The following MAPK8IP3 variants were observed in gnomAD, a reference collection of about 807,000 sequenced individuals.
MAPK8IP3 encodes C-Jun-amino-terminal kinase-interacting protein 3.
Under a neutral mutation model 157.8 loss-of-function variants are expected in MAPK8IP3, and 49 were observed. That is an observed-to-expected ratio of 0.31 (90% CI 0.25 to 0.39). The LOEUF is 0.39. Ranked by LOEUF, MAPK8IP3 falls within the 10% of genes least tolerant of loss-of-function variation. The probability of loss-of-function intolerance (pLI) is 1.00; values close to 1 mark genes in which losing one functional copy is unlikely to be tolerated. For synonymous variants in MAPK8IP3, 897 were observed against 777.7 expected (o/e 1.15, Z -2.55); for missense variants, 1,478 against 1,889.4 (o/e 0.78, Z 4.04).
intron 5 of MAPK8IP3, chr16:1,746,167 G>A (rs973666642): frequency 1.3e-5 from 2 of 152,276 alleles, no homozygotes; most frequent in African/African-American, 4.8e-5. Context: ...GGAGGGCCGG[G>A]GGCCACGGGC....
chr16:1,758,144 C>T lies in MAPK8IP3; in HGVS notation c.1217-4C>T. The stretch of plus-strand genomic sequence containing the variant: ...GCCTCTCTGTGCGTCGCTGGACTCG[C>T]CAGGGGAGTTCTCAGGTGAGTATCT... On this transcript the variant is annotated splice_polypyrimidine_tract_variant and splice_region_variant and intron_variant, in intron 8 of 31. Coordinates refer to ENST00000610761, the MANE Select transcript of MAPK8IP3 (RefSeq NM_001318852.2). 6.2e-7 allele frequency: 1 copy of T among 1,613,834 alleles called. No homozygotes were observed. Among genetic ancestry groups the T allele is most frequent in the Non-Finnish European group, 8.5e-7 (1 of 1,179,858 alleles).
rs1045626409 is a variant in MAPK8IP3, at chr16:1,741,602, C to G, written c.603-1730C>G. Among the ~76,000 whole-genome samples the G allele has an allele frequency of 1.3e-5, 2 of 152,230 alleles. No homozygotes were observed. The highest frequency in any genetic ancestry group is 1.3e-4 in the Admixed American group (2 of 15,306). On this transcript the variant is annotated intron_variant, in intron 4 of 31. Coordinates refer to ENST00000610761, the MANE Select transcript of MAPK8IP3 (RefSeq NM_001318852.2). This position sits in a 1 kb window ranked among gnomAD's most constrained non-coding sequence, Gnocchi z 6.9. ...GGCCTCAGCAGAGGCGCTCCCCGCA[C>G]CAGCGTTGGGAGCGCAGTGGAAGTG...
At chr16:1,754,261 T>C (rs2041467051) in intron 8 of MAPK8IP3, among the ~76,000 whole-genome samples, 1 of 152,342 alleles carries the variant, frequency 6.6e-6, no homozygotes, top group South Asian at 2.1e-4. Flanking sequence ...TACCAGCTAT[T>C]ACCGCACTAC....
chr16:1,730,007 G>A (rs1304827664), intron 4 of MAPK8IP3, among the ~76,000 whole-genome samples: 6 of 129,332 alleles, frequency 4.6e-5, no homozygotes, highest in Admixed American at 9.6e-5. Context: ...CCAGGAGTTC[G>A]AGCTCAGCTT....
chr16:1,763,560 C>G (rs889443615), intron 16 of MAPK8IP3, 97 bp from the exon 17 acceptor site: 3 of 1,362,370 alleles, frequency 2.2e-6, no homozygotes, highest in Non-Finnish European at 2.9e-6. Context: ...TGGGCCCAGG[C>G]GGGCCTCCCT....
chr16:1,732,363 G>T lies in MAPK8IP3; in HGVS notation c.602+2785G>T, dbSNP rs534231329. On this transcript the variant is annotated intron_variant, in intron 4 of 31. Transcript: ENST00000610761. ...TGCATCGTGCCTGCCTGTTCTGGGG[G>T]TTACACCTGCAAACGAGAAGGGTCA... 1.4e-4 allele frequency among the ~76,000 whole-genome samples: 21 copies of T among 152,370 alleles called. No homozygotes were observed. The East Asian group carries it at 2.7e-3, about 20-fold the overall frequency.
intron 1 of MAPK8IP3, chr16:1,713,604 G>C (rs376847619): frequency 6.6e-6 from 1 of 152,228 alleles, no homozygotes; most frequent in South Asian, 2.1e-4. Flanking sequence ...AGATACAGGA[G>C]ACCAGACAGG....
At chr16:1,765,467 G>A (rs1190606921) in intron 20 of MAPK8IP3, among the ~76,000 whole-genome samples, 1 of 152,176 alleles carries the variant, frequency 6.6e-6, no homozygotes, top group Non-Finnish European at 1.5e-5. Context: ...GCATCACTCG[G>A]AGACCACAGG....
In MAPK8IP3 at chr16:1,763,693, C is replaced by G. The variant is rs767263784; in HGVS notation, c.1935C>G (p.Arg645=). The change falls in exon 17 of 32, where the codon CGC becomes CGG. Residue 645 remains arginine, a synonymous_variant. Coordinates refer to ENST00000610761, the MANE Select transcript of MAPK8IP3 (RefSeq NM_001318852.2). The part of the protein sequence containing the change: ...CTSSARREQK[R]EQYRQVREHV... ...CCTCCGCCCGTCGAGAGCAGAAGCG[C>G]GAGCAGTACCGCCAGGTGCGTGAGC... 1 of 1,594,330 alleles carries G rather than the reference C, an allele frequency of 6.3e-7. No individual in the cohort carries two copies. Among genetic ancestry groups the G allele is most frequent in the East Asian group, 2.3e-5 (1 of 43,838 alleles).
rs542653915 is a variant in MAPK8IP3, at chr16:1,708,792, C to G, written c.318+2135C>G. Among the ~76,000 whole-genome samples the G allele has an allele frequency of 3.3e-5, 5 of 152,272 alleles. No individual in the cohort carries two copies. The South Asian group carries it at 1.0e-3, about 32-fold the overall frequency. Reference sequence around the variant, plus strand: ...CATGGAGGCTATGATTAAACGCTAACGGGGCGCCCTTGGAAAGACCTCAGG... The same window carrying G: ...CATGGAGGCTATGATTAAACGCTAAGGGGGCGCCCTTGGAAAGACCTCAGG... On this transcript the variant is annotated intron_variant, in intron 1 of 31. Transcript: ENST00000610761.
chr16:1,762,752 G>A (rs189337924), intron 15 of MAPK8IP3, 21 bp downstream of exon 15: 3 of 1,585,152 alleles, frequency 1.9e-6, no homozygotes, highest in African/African-American at 2.7e-5. Context: ...GGCCCCTGGG[G>A]GATGTGGGCA....
Position 1,708,240 on chromosome 16 carries a change from G to A in MAPK8IP3, c.318+1583G>A, listed in dbSNP as rs188784310. ...CCCAGCCAGGATGCAGAGTGAACCC[G>A]ACACCGGCCTGGGCACTTGCTTCCA... On this transcript the variant is annotated intron_variant, in intron 1 of 31. Transcript: ENST00000610761. Among the ~76,000 whole-genome samples the A allele has an allele frequency of 2.9e-3, 438 of 152,322 alleles. 3 individuals are homozygous for A. Among genetic ancestry groups the A allele is most frequent in the African/African-American group, 0.01 (419 of 41,570 alleles).
chr16:1,706,410 TGATGTCGGAGCG>T lies in MAPK8IP3; in HGVS notation c.73_84del (p.Met25_Arg28del). Reference sequence around the variant, plus strand: ...CAGGACGACTACTGCTCCGGCTCGGTGATGTCGGAGCGGGTGTCGGGCCTGGCGGGCTCCATC... The same window carrying T: ...CAGGACGACTACTGCTCCGGCTCGGTGGTGTCGGGCCTGGCGGGCTCCATC... On this transcript the variant is annotated inframe_deletion, in exon 1 of 32. Transcript: ENST00000610761. The surrounding 1 kb of genome is among the most constrained non-coding windows in gnomAD (Gnocchi z 5.1). 6.2e-7 allele frequency: 1 copy of T among 1,613,336 alleles called. No homozygotes were observed. The highest frequency in any genetic ancestry group is 1.1e-5 in the South Asian group (1 of 91,018).
intron 5 of MAPK8IP3, chr16:1,744,585 T>A: frequency 1.0e-6 from 1 of 985,622 alleles, no homozygotes; most frequent in Middle Eastern, 5.2e-4. Flanking sequence ...TGGGCCCACC[T>A]CCTCTCACTG....
Position 1,710,244 on chromosome 16 carries a change from T to C in MAPK8IP3, c.318+3587T>C, listed in dbSNP as rs1278326477. Among the ~76,000 whole-genome samples, 1 of 150,120 alleles carries C rather than the reference T, an allele frequency of 6.7e-6. No individual in the cohort carries two copies. Among genetic ancestry groups the C allele is most frequent in the Non-Finnish European group, 1.5e-5 (1 of 67,632 alleles). On this transcript the variant is annotated intron_variant, in intron 1 of 31. Transcript: ENST00000610761. The surrounding 1 kb of genome is among the most constrained non-coding windows in gnomAD (Gnocchi z 4.1). ...TGACATTGAACTCCTGACCTCCTCA[T>C]CTCAGGTCAGGAGTTTGAGACCAGC...
intron 1 of MAPK8IP3, among the ~76,000 whole-genome samples, chr16:1,718,149 G>A (rs925134675): frequency 7.2e-5 from 11 of 151,862 alleles, no homozygotes; most frequent in Non-Finnish European, 1.0e-4. Flanking sequence ...CACCAAGCCC[G>A]GCTGAAAATT....
chr16:1,736,223 T>C (rs1302792672), intron 4 of MAPK8IP3, among the ~76,000 whole-genome samples: 1 of 106,736 alleles, frequency 9.4e-6, no homozygotes, highest in Non-Finnish European at 1.8e-5. Flanking sequence ...CGTGTGAGCG[T>C]CCGTGTAAGC....
intron 8 of MAPK8IP3, among the ~76,000 whole-genome samples, chr16:1,754,366 A>G (rs796703432): frequency 2.8e-4 from 43 of 152,314 alleles, no homozygotes; most frequent in African/African-American, 1.0e-3. Flanking sequence ...TGTGCCTTGC[A>G]TTGCTGAGCG....
At chr16:1,720,069 ATC>A (rs2038417885) in intron 1 of MAPK8IP3, among the ~76,000 whole-genome samples, 1 of 152,072 alleles carries the variant, frequency 6.6e-6, no homozygotes, top group East Asian at 1.9e-4. Flanking sequence ...TTGAGATGGA[ATC>A]TCGCTCTTGT....
Sources: gnomAD v4.1 joint callset for allele counts (sites outside exome capture counted in the v4.1 genomes callset) on GRCh38, gnomAD v4.1.1 for gene constraint, Gnocchi (gnomAD v3.1) non-coding constraint, MANE v1.5 for transcripts, NCBI Gene and HGNC (gene_info 2026-07-23, HGNC 2026-07-21) for gene names.